MGMT: variants seen among roughly 807,000 people sequenced by gnomAD.
MGMT encodes O-6-methylguanine-DNA methyltransferase, also known as methylated-DNA--protein-cysteine methyltransferase.
MGMT carries 14 observed loss-of-function variants against 15.9 expected under a neutral mutation model. That is an observed-to-expected ratio of 0.88 (90% confidence interval 0.58 to 1.37). The LOEUF is 1.37. Among genes scored for constraint, MGMT ranks in the 40% most tolerant of loss-of-function variants. MGMT has a pLI of 0.00. For missense variants in MGMT, 282 were observed against 268.1 expected (o/e 1.05, Z -0.36); for synonymous variants, 130 against 118.2 (o/e 1.10, Z -0.65).
intron 2 of MGMT, among the ~76,000 whole-genome samples, chr10:129,654,615 T>C (rs1406259196): frequency 6.6e-6 from 1 of 152,070 alleles, no homozygotes; most frequent in African/African-American, 2.4e-5. Context: ...GTGAGGGACC[T>C]GCTGCCTGGA....
rs967336311 is a variant in MGMT at position 129,556,783 on chromosome 10, A to G, written c.125+20406A>G. 2.0e-5 allele frequency among the ~76,000 whole-genome samples: 3 copies of G among 152,244 alleles called. No homozygotes were observed. The highest frequency in any genetic ancestry group is 2.0e-4 in the Admixed American group (3 of 15,286). ...TAAAACCAAATTCAACAGAGAATTT[A>G]AAAACTGGCTGTGGTGAGCAATGTT... On this transcript the variant is annotated intron_variant, in intron 2 of 4. Transcript: ENST00000651593. The surrounding 1 kb of genome is among the most constrained non-coding windows in gnomAD (Gnocchi z 4.3).
chr10:129,682,391 A>G lies in MGMT; in HGVS notation c.126-25504A>G, dbSNP rs533116108. Among the ~76,000 whole-genome samples the G allele has an allele frequency of 2.0e-5, 3 of 152,108 alleles. No individual in the cohort carries two copies. In the South Asian group the frequency reaches 6.2e-4, roughly 32 times the overall value. ...GGCATTAGGTGGAGTAAAGGAAGCT[A>G]ATCCTAAAAGATAGGATTTTTTTTG... On this transcript the variant is annotated intron_variant, in intron 2 of 4. Transcript: ENST00000651593.
intron 1 of MGMT, among the ~76,000 whole-genome samples, chr10:129,479,508 C>T (rs1167782629): frequency 6.6e-6 from 1 of 151,970 alleles, no homozygotes; most frequent in East Asian, 1.9e-4. Context: ...CAACTTTAAG[C>T]TAAAATAGTG....
intron 2 of MGMT, among the ~76,000 whole-genome samples, chr10:129,572,500 T>C (rs558955890): frequency 6.6e-6 from 1 of 152,346 alleles, no homozygotes; most frequent in Admixed American, 6.5e-5. Context: ...TTCTGAGTAG[T>C]TGGCTACCAT....
At chr10:129,625,863 C>T (rs1267403213) in intron 2 of MGMT, among the ~76,000 whole-genome samples, 1 of 152,182 alleles carries the variant, frequency 6.6e-6, no homozygotes, top group East Asian at 1.9e-4. Context: ...TCAAGTTTTC[C>T]CCAGCTAAAT....
intron 2 of MGMT, among the ~76,000 whole-genome samples, chr10:129,658,255 G>A (rs1460036480): frequency 6.6e-6 from 1 of 152,150 alleles, no homozygotes; most frequent in African/African-American, 2.4e-5. Context: ...AGGGAGAGCG[G>A]CACCATTAGA....
chr10:129,549,840 A>G (rs1284833318), intron 2 of MGMT, among the ~76,000 whole-genome samples: 1 of 152,232 alleles, frequency 6.6e-6, no homozygotes, highest in Admixed American at 6.5e-5. Context: ...TGAATTGACA[A>G]AATGAAAATA....
At chr10:129,730,517 A>G (rs1463244616) in intron 3 of MGMT, among the ~76,000 whole-genome samples, 1 of 152,160 alleles carries the variant, frequency 6.6e-6, no homozygotes. Flanking sequence ...TTTCTAAGGG[A>G]AGGCAGAGAA....
At chr10:129,481,396 A>C (rs1845356551) in intron 1 of MGMT, among the ~76,000 whole-genome samples, 1 of 152,118 alleles carries the variant, frequency 6.6e-6, no homozygotes, top group South Asian at 2.1e-4. Context: ...TCTGTTCATG[A>C]GAGGTGTTGG....
intron 2 of MGMT, among the ~76,000 whole-genome samples, chr10:129,571,556 T>C (rs1371752550): frequency 6.6e-6 from 1 of 152,230 alleles, no homozygotes; most frequent in East Asian, 1.9e-4. Flanking sequence ...TCTTTCATTT[T>C]GTTCTGGTAT....
intron 2 of MGMT, among the ~76,000 whole-genome samples, chr10:129,705,522 G>A (rs368028673): frequency 3.3e-5 from 5 of 152,304 alleles, no homozygotes; most frequent in African/African-American, 1.2e-4. Context: ...TATAAGGAAG[G>A]TGTTCGGCTT....
chr10:129,642,502 T>C (rs1004847670), intron 2 of MGMT, among the ~76,000 whole-genome samples: 2 of 152,148 alleles, frequency 1.3e-5, no homozygotes, highest in African/African-American at 4.8e-5. Flanking sequence ...ATAGTGATTA[T>C]CTCTGAAGGT....
At position 129,766,861 on chromosome 10, in the gene MGMT, C is replaced by T. The variant is rs747476742; in HGVS notation, c.488C>T (p.Ala163Val). Residue 163 changes from alanine to valine, a missense_variant, in exon 5 of 5, where the codon GCC (alanine) becomes GTC (valine). Coordinates refer to ENST00000651593, the MANE Select transcript of MGMT (RefSeq NM_002412.5). The part of the protein sequence containing the change: ...GAVGNYSGGL[A>V]VKEWLLAHEG... ...GTGGGCAACTACTCCGGAGGACTGG[C>T]CGTGAAGGAATGGCTTCTGGCCCAT... The T allele has an allele frequency of 8.7e-6, 14 of 1,613,788 alleles. No homozygotes were observed. Among genetic ancestry groups the T allele is most frequent in the Non-Finnish European group, 1.2e-5 (14 of 1,180,028 alleles).
At chr10:129,603,830 A>T (rs1846853695) in intron 2 of MGMT, among the ~76,000 whole-genome samples, 1 of 152,214 alleles carries the variant, frequency 6.6e-6, no homozygotes, top group African/African-American at 2.4e-5. Flanking sequence ...AGTTATTTTT[A>T]TGTAATTTGA....
chr10:129,500,467 G>A (rs1845564037), intron 1 of MGMT, among the ~76,000 whole-genome samples: 2 of 152,218 alleles, frequency 1.3e-5, no homozygotes, highest in African/African-American at 4.8e-5. Flanking sequence ...CCTGCATTGT[G>A]CTGGGTTCCT....
intron 2 of MGMT, among the ~76,000 whole-genome samples, chr10:129,564,447 CCT>C (rs1260933067): frequency 2.4e-5 from 2 of 84,660 alleles, no homozygotes; most frequent in Non-Finnish European, 4.7e-5. Flanking sequence ...CCTTCTTCTT[CCT>C]CTCTCTCCCC....
Position 129,766,768 on chromosome 10 carries a change from G to T in MGMT, c.415-20G>T. The T allele has an allele frequency of 1.2e-6, 2 of 1,604,638 alleles. No homozygotes were observed. Among genetic ancestry groups the T allele is most frequent in the South Asian group, 2.2e-5 (2 of 89,836 alleles). On this transcript the variant is annotated intron_variant, in intron 4 of 4. Coordinates refer to ENST00000651593, the MANE Select transcript of MGMT (RefSeq NM_002412.5). ...TTGTCCAGATCCCTGACTGACAGTG[G>T]CTGCCCCCCTGTCTTCCAGGTCCCC... is the stretch of plus-strand genomic sequence containing the variant.
intron 2 of MGMT, among the ~76,000 whole-genome samples, chr10:129,601,907 G>C (rs560610602): frequency 1.3e-5 from 2 of 152,160 alleles, no homozygotes; most frequent in Admixed American, 6.5e-5. Flanking sequence ...TGTCGCCGTG[G>C]TACATTACAG....
At chr10:129,623,141 T>G (rs970660286) in intron 2 of MGMT, among the ~76,000 whole-genome samples, 2 of 152,060 alleles carry the variant, frequency 1.3e-5, no homozygotes, top group South Asian at 4.1e-4. Context: ...CATAACTGAT[T>G]AGTGCCTTGC....
Sources: gnomAD v4.1 joint callset for allele counts (sites outside exome capture counted in the v4.1 genomes callset) on GRCh38, gnomAD v4.1.1 for gene constraint, Gnocchi (gnomAD v3.1) non-coding constraint, MANE v1.5 for transcripts, NCBI Gene and HGNC (gene_info 2026-07-23, HGNC 2026-07-21) for gene names.